Variants in KAT6A observed in about 807,000 individuals in gnomAD.
KAT6A encodes histone acetyltransferase KAT6A.
In KAT6A, 9 loss-of-function variants were observed where a neutral mutation model predicts 198.4. The ratio of observed to expected loss-of-function variants is 0.05; its 90% CI spans 0.03 to 0.08. The LOEUF (loss-of-function observed/expected upper bound fraction) is 0.08, where lower values mean the gene tolerates loss of function less well. KAT6A is among the 10% of genes least tolerant of loss of function. The probability of loss-of-function intolerance (pLI) is 1.00; values close to 1 mark genes in which losing one functional copy is unlikely to be tolerated. For missense variants in KAT6A, 2,077 were observed against 2,509.9 expected, an observed-to-expected ratio of 0.83 and a Z score of 3.69; for synonymous variants, 890 against 883.0, an observed-to-expected ratio of 1.01 and a Z score of -0.14.
chr8:42,038,240 C>T (rs1467836744), intron 2 of KAT6A, among the ~76,000 whole-genome samples: 1 of 152,140 alleles, frequency 6.6e-6, no homozygotes, highest in African/African-American at 2.4e-5. Flanking sequence ...TTTCTTCCAG[C>T]ATTAAGGTAG....
At chr8:42,011,033 A>G (rs577548708) in intron 2 of KAT6A, among the ~76,000 whole-genome samples, 1 of 152,300 alleles carries the variant, frequency 6.6e-6, no homozygotes, top group African/African-American at 2.4e-5. Flanking sequence ...TAATTCCCAG[A>G]TCAGTTGTCC....
At chr8:42,022,773 C>A (rs1564071387) in intron 2 of KAT6A, among the ~76,000 whole-genome samples, 1 of 151,330 alleles carries the variant, frequency 6.6e-6, no homozygotes, top group Admixed American at 6.6e-5. Context: ...TTTGTCATCA[C>A]AAAAAAAATT....
intron 15 of KAT6A, among the ~76,000 whole-genome samples, chr8:41,939,476 T>C (rs930689839): frequency 1.3e-5 from 2 of 152,170 alleles, no homozygotes; most frequent in Non-Finnish European, 2.9e-5. Context: ...GCTCAAGTGA[T>C]CCTCCCGCCT....
At chr8:42,031,617 C>CTTTTT (rs11329714) in intron 2 of KAT6A, among the ~76,000 whole-genome samples, 8 of 65,102 alleles carry the variant, frequency 1.2e-4, no homozygotes, top group African/African-American at 4.1e-4. Context: ...GGAGCATTCA[C>CTTTTT]TTTTTTTTTT....
In KAT6A at chr8:41,957,227, C is replaced by T. The variant is rs756572227; in HGVS notation, c.1483-1816G>A. On this transcript the variant is annotated intron_variant, in intron 8 of 16. Coordinates refer to ENST00000265713, the MANE Select transcript of KAT6A (RefSeq NM_006766.5). ...GTAGGTTCCCCTCTGCCCACACCCG[C>T]CTTTAACCTTTGCACCGTGAAACGT... 8.7e-6 allele frequency: 5 copies of T among 575,854 alleles called. No homozygotes were observed. In the Admixed American group the frequency reaches 9.5e-5, roughly 11 times the overall value. The allele number at this position is 575,854 out of a possible 1,614,324, so 35.7% of individuals were successfully genotyped here.
rs769537651 is a variant in KAT6A at position 41,941,208 on chromosome 8, C to T, written c.2673G>A (p.Thr891=). Residue 891 remains threonine (T), a synonymous_variant, in exon 15 of 17, where the codon ACG becomes ACA. Transcript: ENST00000265713. ...CATATTGTTCCTGAGGAGCTGAAGA[C>T]GTCTCTTCCAAGAGCAGTTTAGAAT... ...DKDSKLLLEE[T]SSAPQEQYGE... is the part of the protein sequence containing the mutation. 13 of 1,614,046 alleles carry T rather than the reference C, an allele frequency of 8.1e-6. No individual in the cohort carries two copies. The highest frequency in any genetic ancestry group is 2.2e-5 in the East Asian group (1 of 44,892).
In KAT6A at chr8:41,934,515, C is replaced by T. The variant is rs202171204; in HGVS notation, c.3705G>A (p.Glu1235=). ...CATCCTCTTCCTCACCCTCTTCAGC[C>T]TCTTCTGCCTCTGCTTGCATCTCCT... The part of the protein sequence containing the change: ...EEEEMQAEAE[E]AEEGEEEDAA... The change falls in exon 17 of 17, where the codon GAG becomes GAA. Residue 1235 remains glutamate (E), a synonymous_variant. Coordinates refer to ENST00000265713, the MANE Select transcript of KAT6A (RefSeq NM_006766.5). 5.0e-6 allele frequency: 8 copies of T among 1,613,536 alleles called. No individual in the cohort carries two copies. The Admixed American group carries it at 1.2e-4, about 24-fold the overall frequency.
At chr8:42,014,637 G>A (rs1826181990) in intron 2 of KAT6A, among the ~76,000 whole-genome samples, 1 of 152,130 alleles carries the variant, frequency 6.6e-6, no homozygotes, top group African/African-American at 2.4e-5. Context: ...GGACAGATCG[G>A]GGGGCTAAAG....
chr8:42,012,433 T>C (rs747451000), intron 2 of KAT6A, among the ~76,000 whole-genome samples: 3 of 152,190 alleles, frequency 2.0e-5, no homozygotes, highest in Non-Finnish European at 4.4e-5. Context: ...AGGCCATACA[T>C]GTTGTGACAA....
At chr8:41,957,062 G>C in intron 8 of KAT6A, 1 of 597,552 alleles carries the variant, frequency 1.7e-6, no homozygotes, top group Non-Finnish European at 3.3e-6. Context: ...CTGCGGCACT[G>C]TCTGTTGTTT....
chr8:41,932,172 A>G lies in KAT6A; in HGVS notation c.*33T>C. ...GTATAAAAGGTTCCTTTATTTATAT[A>G]TATTTAAGTTTTTGATTGCAAGTTC... On this transcript the variant is annotated 3_prime_UTR_variant, in exon 17 of 17. Transcript: ENST00000265713. 1 of 1,497,144 alleles carries G rather than the reference A, an allele frequency of 6.7e-7. No homozygotes were observed. Among genetic ancestry groups the G allele is most frequent in the Non-Finnish European group, 8.9e-7 (1 of 1,123,336 alleles). 92.7% of individuals were successfully genotyped at this position (1,497,144 alleles called of 1,614,324 possible). A position where few individuals can be genotyped will look rare whatever the true frequency, so the allele number is the denominator to read the frequency against.
At chr8:41,939,911 G>A (rs545935163) in intron 15 of KAT6A, among the ~76,000 whole-genome samples, 13 of 152,292 alleles carry the variant, frequency 8.5e-5, no homozygotes, top group East Asian at 3.9e-4. Flanking sequence ...CCACACCAAC[G>A]CAAGGGATTA....
chr8:41,967,779 T>C (rs553975495), intron 8 of KAT6A, among the ~76,000 whole-genome samples: 13 of 152,106 alleles, frequency 8.5e-5, no homozygotes, highest in African/African-American at 2.2e-4. Flanking sequence ...GACAGAGATA[T>C]AGATCAATGG....
rs751436640 is a variant in KAT6A, at chr8:41,945,935, CAGA to C, written c.1996+653_1996+655del. Among the ~76,000 whole-genome samples, 194 of 150,750 alleles carry C rather than the reference CAGA, an allele frequency of 1.3e-3. 1 individual carries two copies. The highest frequency in any genetic ancestry group is 1.1e-3 in the Non-Finnish European group (76 of 67,876). ...GTCCCAGCTACTCGGGAGGCTGAGGCAGAAGAATAGCCTGAACCCAGGAGGCAG... is the reference window on the plus strand; with the variant it reads ...GTCCCAGCTACTCGGGAGGCTGAGGCAGAATAGCCTGAACCCAGGAGGCAG... On this transcript the variant is annotated intron_variant, in intron 12 of 16. Transcript: ENST00000265713.
At chr8:41,941,691 C>T (rs978655678) in intron 14 of KAT6A, among the ~76,000 whole-genome samples, 4 of 152,278 alleles carry the variant, frequency 2.6e-5, no homozygotes, top group Middle Eastern at 3.4e-3. Context: ...ACAAATGAGG[C>T]ATGTGGGGTA....
rs1042416901 is a variant in KAT6A, at chr8:42,050,662, G to A, written c.-326+1239C>T. ...TTCAATTTGGTGAGGGTCTCAAGAG[G>A]ATAGAAATCAGAGTATCATTACTCC... On this transcript the variant is annotated intron_variant, in intron 1 of 16. Transcript: ENST00000265713. Among the ~76,000 whole-genome samples the A allele has an allele frequency of 4.3e-4, 66 of 152,270 alleles. 1 individual carries two copies. Among genetic ancestry groups the A allele is most frequent in the African/African-American group, 1.5e-3 (61 of 41,556 alleles).
chr8:41,981,804 A>G, intron 4 of KAT6A, 35 bp downstream of exon 4: 1 of 1,283,612 alleles, frequency 7.8e-7, no homozygotes, highest in Non-Finnish European at 1.1e-6. Context: ...CTACTACTAA[A>G]TGAAACACCC....
In KAT6A at chr8:41,933,456, G is replaced by C. The variant is rs1821672601; in HGVS notation, c.4764C>G (p.Ser1588=). 8 of 1,612,796 alleles carry C rather than the reference G, an allele frequency of 5.0e-6. No individual in the cohort carries two copies. Among genetic ancestry groups the C allele is most frequent in the Non-Finnish European group, 6.8e-6 (8 of 1,179,290 alleles). Residue 1588 remains serine (S), a synonymous_variant, in exon 17 of 17, where the codon TCC becomes TCG. Coordinates refer to ENST00000265713, the MANE Select transcript of KAT6A (RefSeq NM_006766.5). The surrounding 1 kb of genome is among the most constrained non-coding windows in gnomAD (Gnocchi z 6.2). ...TGCTGGAGGACGACAGCCCACCGTAGGAGCAGCTGCTCTGGGAAGAGCTGT... is the reference window on the plus strand; with the variant it reads ...TGCTGGAGGACGACAGCCCACCGTACGAGCAGCTGCTCTGGGAAGAGCTGT... The part of the protein sequence containing the change: ...CGNSSSQSSC[S]YGGLSSSSSL...
At chr8:41,992,851 T>C (rs1351840185) in intron 2 of KAT6A, among the ~76,000 whole-genome samples, 3 of 152,136 alleles carry the variant, frequency 2.0e-5, no homozygotes, top group Non-Finnish European at 4.4e-5. Context: ...AGGGACAGAT[T>C]AGATCACTTT....
Sources: gnomAD v4.1 joint callset for allele counts (sites outside exome capture counted in the v4.1 genomes callset) on GRCh38, gnomAD v4.1.1 for gene constraint, Gnocchi (gnomAD v3.1) non-coding constraint, MANE v1.5 for transcripts, NCBI Gene and HGNC (gene_info 2026-07-23, HGNC 2026-07-21) for gene names.